The following IDE variants were observed in gnomAD, a reference collection of about 807,000 sequenced individuals.
IDE encodes insulin degrading enzyme.
IDE carries 58 observed loss-of-function variants against 133.2 expected under a neutral mutation model. The observed-to-expected ratio is 0.44, with a 90% confidence interval of 0.35 to 0.54. The LOEUF (loss-of-function observed/expected upper bound fraction) is 0.54. Ranked by LOEUF, IDE falls within the 20% of genes least tolerant of loss-of-function variation. IDE has a pLI of 0.00. For synonymous variants in IDE, 396 were observed against 421.3 expected, an observed-to-expected ratio of 0.94 and a Z score of 0.73; for missense variants, 981 against 1,234.0, an observed-to-expected ratio of 0.79 and a Z score of 3.07.
intron 1 of IDE, among the ~76,000 whole-genome samples, chr10:92,547,348 T>C (rs181121516): frequency 1.3e-5 from 2 of 151,966 alleles, no homozygotes; most frequent in Admixed American, 1.3e-4. Context: ...CCTCCCAAAA[T>C]GCTGGGATTA....
chr10:92,521,935 T>A (rs1031137674), intron 4 of IDE, among the ~76,000 whole-genome samples: 1 of 152,072 alleles, frequency 6.6e-6, no homozygotes, highest in Non-Finnish European at 1.5e-5. Context: ...ATCTAGAATC[T>A]CTTCAAAATA....
At chr10:92,517,148 TG>T (rs1208942844) in intron 4 of IDE, among the ~76,000 whole-genome samples, 5 of 152,180 alleles carry the variant, frequency 3.3e-5, no homozygotes, top group Admixed American at 2.0e-4. Context: ...ATAGGGGCAC[TG>T]GGAAAGTCCC....
intron 1 of IDE, among the ~76,000 whole-genome samples, chr10:92,549,928 G>C (rs1842703390): frequency 6.6e-6 from 1 of 152,064 alleles, no homozygotes; most frequent in Admixed American, 6.6e-5. Context: ...CAACACTTTG[G>C]GAGGCCGAGG....
At chr10:92,500,017 G>T (rs1847919907) in intron 11 of IDE, among the ~76,000 whole-genome samples, 1 of 152,062 alleles carries the variant, frequency 6.6e-6, no homozygotes, top group Non-Finnish European at 1.5e-5. Context: ...CAACTGACTG[G>T]CCGGGTGCAG....
intron 1 of IDE, among the ~76,000 whole-genome samples, chr10:92,566,409 T>TCACACACA (rs563035723): frequency 1.4e-5 from 2 of 144,542 alleles, no homozygotes; most frequent in Non-Finnish European, 3.0e-5. Flanking sequence ...TCTCTCTCTC[T>TCACACACA]CTCTCACACA....
intron 1 of IDE, among the ~76,000 whole-genome samples, chr10:92,552,857 CAAAAAAA>C (rs71028827): frequency 2.0e-5 from 1 of 49,378 alleles, no homozygotes; most frequent in Non-Finnish European, 3.5e-5. Flanking sequence ...GACTCAGTCT[CAAAAAAA>C]AAAAAAAAAA....
chr10:92,567,716 G>A (rs931239758), intron 1 of IDE, among the ~76,000 whole-genome samples: 1 of 152,184 alleles, frequency 6.6e-6, no homozygotes, highest in African/African-American at 2.4e-5. Flanking sequence ...GCTTATGCCT[G>A]TAATCACAGC....
intron 1 of IDE, among the ~76,000 whole-genome samples, chr10:92,556,922 CAAA>C (rs375189780): frequency 4.0e-4 from 33 of 83,138 alleles, no homozygotes; most frequent in African/African-American, 1.4e-3. Context: ...GACTCCGCCT[CAAA>C]AAAAAAAAAA....
chr10:92,475,209 T>C (rs1488138471), intron 16 of IDE, among the ~76,000 whole-genome samples: 2 of 152,236 alleles, frequency 1.3e-5, no homozygotes, highest in Non-Finnish European at 2.9e-5. Context: ...GTGCCTTCAC[T>C]ATGGGATATC....
chr10:92,510,139 G>C lies in IDE; in HGVS notation c.808C>G (p.Leu270Val), dbSNP rs1216390096. 5.1e-6 allele frequency: 8 copies of C among 1,579,920 alleles called. No individual in the cohort carries two copies. In the East Asian group the frequency reaches 1.8e-4, roughly 35 times the overall value. ...GRESLDDLTN[L>V]VVKLFSEVEN... is the part of the protein sequence containing the mutation. ...ACTTCAGAAAATAACTTTACCACCA[G>C]ATTAGTCAAGTCATCTAAAGATTCT... Residue 270 changes from leucine (L) to valine (V), a missense_variant, in exon 6 of 25, where the codon CTG becomes GTG. This residue lies in a region of IDE where 321 missense variants were observed against 339.3 expected (regional missense o/e 0.95). Coordinates refer to ENST00000265986, the MANE Select transcript of IDE (RefSeq NM_004969.4).
chr10:92,486,051 T>C (rs1344449603), intron 13 of IDE, among the ~76,000 whole-genome samples: 8 of 152,152 alleles, frequency 5.3e-5, no homozygotes, highest in Admixed American at 5.2e-4. Context: ...TAAAATGTCA[T>C]TTTTAAAGAA....
intron 16 of IDE, 41 bp downstream of exon 16, chr10:92,475,840 CAAT>C (rs1409072090): frequency 2.9e-5 from 20 of 694,788 alleles, no homozygotes; most frequent in African/African-American, 5.5e-5. Flanking sequence ...TATAATATAG[CAAT>C]ATTATCTTAT....
rs537893019 is a variant in IDE at position 92,486,765 on chromosome 10, AAT to A, written c.1656+429_1656+430del. Among the ~76,000 whole-genome samples, 141 of 152,336 alleles carry A rather than the reference AAT, an allele frequency of 9.3e-4. 2 individuals carry two copies. The highest frequency in any genetic ancestry group is 3.2e-3 in the African/African-American group (135 of 41,578). On this transcript the variant is annotated intron_variant, in intron 13 of 24. Transcript: ENST00000265986. ...TAATTTGAGATAGTCACTATGTCAT[AAT>A]GAATGTTTTTAAGGGCAGGAAATCC...
chr10:92,538,793 AC>A (rs1161693584), intron 1 of IDE, among the ~76,000 whole-genome samples: 1 of 152,028 alleles, frequency 6.6e-6, no homozygotes, highest in Non-Finnish European at 1.5e-5. Flanking sequence ...AAAAAAAAAA[AC>A]TGAAACTGCT....
At chr10:92,531,278 G>A (rs1849908871) in intron 4 of IDE, among the ~76,000 whole-genome samples, 1 of 152,138 alleles carries the variant, frequency 6.6e-6, no homozygotes, top group Admixed American at 6.6e-5. Flanking sequence ...CCCTCTAGGA[G>A]ATTGTAGCAC....
intron 4 of IDE, among the ~76,000 whole-genome samples, chr10:92,530,816 T>C (rs1849883190): frequency 6.6e-6 from 1 of 152,202 alleles, no homozygotes. Flanking sequence ...TGTAAAGCTA[T>C]GCTAATTTCT....
At chr10:92,508,669 T>C (rs1449187125) in intron 7 of IDE, 59 bp downstream of exon 7, 2 of 1,498,034 alleles carry the variant, frequency 1.3e-6, no homozygotes, top group Non-Finnish European at 1.9e-6. Flanking sequence ...CAGGAGAAAA[T>C]GAGAGCCAGA....
chr10:92,510,871 C>T (rs1164919530), intron 5 of IDE, among the ~76,000 whole-genome samples: 1 of 150,290 alleles, frequency 6.7e-6, no homozygotes, highest in Non-Finnish European at 1.5e-5. Flanking sequence ...ATATATATCA[C>T]ATACATGATA....
In IDE at chr10:92,453,273, T is replaced by C. The variant is rs1844833375; in HGVS notation, c.*1171A>G. 6.6e-6 allele frequency: 1 copy of C among 152,166 alleles called. No homozygotes were observed. The highest frequency in any genetic ancestry group is 6.5e-5 in the Admixed American group (1 of 15,268). The allele number at this position is 152,166 out of a possible 1,614,324, so 9.4% of individuals were successfully genotyped here. ...TCTACAGTAACAATTTCACCTAAAA[T>C]AGTATCTCATGAAAAAAATATTTTT... On this transcript the variant is annotated 3_prime_UTR_variant, in exon 25 of 25. Coordinates refer to ENST00000265986, the MANE Select transcript of IDE (RefSeq NM_004969.4).
Sources: gnomAD v4.1 joint callset for allele counts (sites outside exome capture counted in the v4.1 genomes callset) on GRCh38, gnomAD v4.1.1 for gene constraint, gnomAD v4.1.1 regional missense constraint, MANE v1.5 for transcripts, NCBI Gene and HGNC (gene_info 2026-07-23, HGNC 2026-07-21) for gene names.